CNTN5: variants seen among roughly 807,000 people sequenced by gnomAD.
The protein encoded by CNTN5 is contactin 5, also known as contactin-5.
CNTN5 carries 77 observed loss-of-function variants against 129.1 expected under a neutral mutation model. That is an observed-to-expected ratio of 0.60 (90% CI 0.50 to 0.72). The LOEUF is 0.72. Among genes scored for constraint, CNTN5 ranks in the 30% least tolerant of loss-of-function variants. The pLI, the probability that CNTN5 is intolerant of heterozygous loss-of-function variation, is 0.00. For synonymous variants in CNTN5, 509 were observed against 465.6 expected, an observed-to-expected ratio of 1.09 and a Z score of -1.20; for missense variants, 1,478 against 1,328.8, an observed-to-expected ratio of 1.11 and a Z score of -1.75.
intron 3 of CNTN5, among the ~76,000 whole-genome samples, chr11:99,630,085 T>G (rs1951283432): frequency 6.6e-6 from 1 of 152,038 alleles, no homozygotes; most frequent in Middle Eastern, 3.4e-3. Flanking sequence ...ATCAAGTGAT[T>G]TAAATGCCTA....
chr11:99,195,383 C>T (rs913353882), intron 1 of CNTN5, among the ~76,000 whole-genome samples: 1 of 152,030 alleles, frequency 6.6e-6, no homozygotes, highest in African/African-American at 2.4e-5. Flanking sequence ...GGGTGAAATG[C>T]TATACATGGT....
intron 13 of CNTN5, among the ~76,000 whole-genome samples, chr11:100,122,997 T>C (rs1946077010): frequency 6.6e-6 from 1 of 152,032 alleles, no homozygotes; most frequent in Admixed American, 6.6e-5. Context: ...TGTGTGTAGA[T>C]GTGGGGTGGG....
chr11:100,328,427 T>C lies in CNTN5; in HGVS notation c.2731-12036T>C, dbSNP rs192042490. Among the ~76,000 whole-genome samples the C allele has an allele frequency of 1.2e-4, 18 of 152,098 alleles. No individual in the cohort carries two copies. In the East Asian group the frequency reaches 2.5e-3, roughly 21 times the overall value. On this transcript the variant is annotated intron_variant, in intron 21 of 24. Transcript: ENST00000524871. The stretch of plus-strand genomic sequence containing the variant: ...GAACTACCTGAGACTGGGTAATTGA[T>C]AAAGAAAAAAGGTTTAATTGACTTA...
At chr11:99,225,646 G>A (rs749058707) in intron 1 of CNTN5, among the ~76,000 whole-genome samples, 1 of 152,074 alleles carries the variant, frequency 6.6e-6, no homozygotes, top group Non-Finnish European at 1.5e-5. Flanking sequence ...GCATAACAAT[G>A]ATCATACAGT....
intron 8 of CNTN5, among the ~76,000 whole-genome samples, chr11:99,961,730 G>A (rs1010679145): frequency 1.3e-5 from 2 of 152,128 alleles, no homozygotes; most frequent in Non-Finnish European, 2.9e-5. Flanking sequence ...AGCTTTCCGT[G>A]GAAAGATGAA....
At chr11:99,611,762 C>A (rs2135732348) in intron 3 of CNTN5, among the ~76,000 whole-genome samples, 1 of 152,258 alleles carries the variant, frequency 6.6e-6, no homozygotes, top group Admixed American at 6.5e-5. Context: ...CTAATAGCTT[C>A]ATTTGACCAG....
chr11:99,281,208 C>CA (rs1402019971), intron 1 of CNTN5, among the ~76,000 whole-genome samples: 3 of 151,838 alleles, frequency 2.0e-5, no homozygotes, highest in Non-Finnish European at 4.4e-5. Context: ...ATAGAATGAT[C>CA]AGAGTTTTTA....
chr11:100,321,289 GTA>G, intron 21 of CNTN5, among the ~76,000 whole-genome samples: 1 of 120,942 alleles, frequency 8.3e-6, no homozygotes, highest in East Asian at 3.1e-4. Flanking sequence ...TTATTCCTAA[GTA>G]TTTTTTTTTT....
At position 100,180,144 on chromosome 11, in the gene CNTN5, T is replaced by C. The variant is rs577836691; in HGVS notation, c.1581-10982T>C. ...AGGCAATATCTCATGAGAATCAAGA[T>C]GCAAAATTCTTAGCAAAACTATCTT... On this transcript the variant is annotated intron_variant, in intron 13 of 24. Coordinates refer to ENST00000524871, the MANE Select transcript of CNTN5 (RefSeq NM_014361.4). Among the ~76,000 whole-genome samples, 42 of 152,078 alleles carry C rather than the reference T, an allele frequency of 2.8e-4. 1 individual carries two copies. In the Middle Eastern group the frequency reaches 0.01, roughly 37 times the overall value.
At chr11:99,230,317 A>G (rs372318911) in intron 1 of CNTN5, among the ~76,000 whole-genome samples, 1 of 152,178 alleles carries the variant, frequency 6.6e-6, no homozygotes, top group Admixed American at 6.5e-5. Flanking sequence ...GTGTGTATAT[A>G]TAGATACAGA....
chr11:100,016,446 T>C (rs770598), intron 9 of CNTN5, among the ~76,000 whole-genome samples: 123,524 of 151,984 alleles, frequency 0.81, 50,958 homozygotes, highest in East Asian at 0.98. Context: ...ATTATACATG[T>C]GCAATGTATA....
intron 18 of CNTN5, among the ~76,000 whole-genome samples, chr11:100,283,381 T>G (rs943101137): frequency 3.9e-5 from 6 of 152,172 alleles, no homozygotes; most frequent in Non-Finnish European, 8.8e-5. Context: ...CTGCAAGCTG[T>G]GCAGCCTGGA....
At chr11:100,335,159 G>C (rs1038771254) in intron 21 of CNTN5, among the ~76,000 whole-genome samples, 4 of 127,562 alleles carry the variant, frequency 3.1e-5, no homozygotes, top group Non-Finnish European at 4.9e-5. Context: ...CTCTAAAATG[G>C]CTCCAAAAAA....
Position 99,670,814 on chromosome 11 carries a change from C to T in CNTN5, c.55+114545C>T, listed in dbSNP as rs187343680. Among the ~76,000 whole-genome samples, 116 of 152,220 alleles carry T rather than the reference C, an allele frequency of 7.6e-4. 1 individual carries two copies. Among genetic ancestry groups the T allele is most frequent in the Middle Eastern group, 3.4e-3 (1 of 294 alleles). Reference sequence around the variant, plus strand: ...CTGCCAACTAACTGTGCTGCTTGGACGCATTTTGAACTCTCTGTGTTACTG... The same window carrying T: ...CTGCCAACTAACTGTGCTGCTTGGATGCATTTTGAACTCTCTGTGTTACTG... On this transcript the variant is annotated intron_variant, in intron 3 of 24. Coordinates refer to ENST00000524871, the MANE Select transcript of CNTN5 (RefSeq NM_014361.4).
chr11:100,057,704 G>A (rs188342172), intron 9 of CNTN5, among the ~76,000 whole-genome samples: 306 of 151,876 alleles, frequency 2.0e-3, no homozygotes, highest in African/African-American at 7.2e-3. Flanking sequence ...TAGCATCTTT[G>A]TGCCCAAATC....
chr11:99,661,120 A>G (rs1041735084), intron 3 of CNTN5, among the ~76,000 whole-genome samples: 5 of 152,262 alleles, frequency 3.3e-5, no homozygotes, highest in Admixed American at 6.5e-5. Flanking sequence ...TCATAATCCT[A>G]TAATATGGGT....
chr11:99,776,938 T>C (rs959903760), intron 3 of CNTN5, among the ~76,000 whole-genome samples: 1 of 151,940 alleles, frequency 6.6e-6, no homozygotes, highest in Non-Finnish European at 1.5e-5. Flanking sequence ...GCAAGCAAAC[T>C]TTCTGCTTTC....
At chr11:99,375,035 G>T (rs1041613719) in intron 2 of CNTN5, among the ~76,000 whole-genome samples, 2 of 152,150 alleles carry the variant, frequency 1.3e-5, no homozygotes, top group Non-Finnish European at 1.5e-5. Context: ...GGGCGTGATG[G>T]TTCACGCCTG....
At chr11:99,271,869 A>G (rs1863188023) in intron 1 of CNTN5, among the ~76,000 whole-genome samples, 3 of 151,838 alleles carry the variant, frequency 2.0e-5, no homozygotes, top group African/African-American at 7.2e-5. Flanking sequence ...AGAAGCCTCA[A>G]TGTGTTTTAC....
Sources: gnomAD v4.1 joint callset for allele counts (sites outside exome capture counted in the v4.1 genomes callset) on GRCh38, gnomAD v4.1.1 for gene constraint, MANE v1.5 for transcripts, NCBI Gene and HGNC (gene_info 2026-07-23, HGNC 2026-07-21) for gene names.